Variants in SMOC2 observed in about 807,000 individuals in gnomAD.
The protein encoded by SMOC2 is SPARC-related modular calcium-binding protein 2.
SMOC2 carries 39 observed loss-of-function variants against 61.4 expected under a neutral mutation model. The observed-to-expected ratio is 0.64, with a 90% confidence interval of 0.49 to 0.83. The LOEUF is 0.83. Among genes scored for constraint, SMOC2 ranks in the 40% least tolerant of loss-of-function variants. The pLI is 0.00. For missense variants in SMOC2, 556 were observed against 592.9 expected, an observed-to-expected ratio of 0.94 and a Z score of 0.65; for synonymous variants, 247 against 239.9, an observed-to-expected ratio of 1.03 and a Z score of -0.27.
intron 1 of SMOC2, among the ~76,000 whole-genome samples, chr6:168,488,422 C>A (rs1274421532): frequency 1.3e-5 from 2 of 152,220 alleles, no homozygotes; most frequent in Non-Finnish European, 2.9e-5. Context: ...CAGAAACTCA[C>A]TCAGTTCTGG....
In SMOC2 at chr6:168,666,747, A is replaced by T. The variant is rs1247818060; in HGVS notation, c.*309A>T. The T allele has an allele frequency of 8.2e-6, 3 of 365,260 alleles. No homozygotes were observed. Among genetic ancestry groups the T allele is most frequent in the African/African-American group, 6.2e-5 (3 of 48,294 alleles). The allele number at this position is 365,260 out of a possible 1,614,324, so 22.6% of individuals were successfully genotyped here. A position where few individuals can be genotyped will look rare whatever the true frequency, so the allele number is the denominator to read the frequency against. On this transcript the variant is annotated 3_prime_UTR_variant, in exon 13 of 13. Coordinates refer to ENST00000356284, the MANE Select transcript of SMOC2 (RefSeq NM_001166412.2). ...TTCCACATGTTAACAGTAGAGCTCTATGCACTCCGGCTGCAATCGTATGGC... is the reference window on the plus strand; with the variant it reads ...TTCCACATGTTAACAGTAGAGCTCTTTGCACTCCGGCTGCAATCGTATGGC...
intron 2 of SMOC2, among the ~76,000 whole-genome samples, chr6:168,520,006 G>A (rs1583076163): frequency 6.6e-6 from 1 of 152,074 alleles, no homozygotes; most frequent in Admixed American, 6.5e-5. Context: ...CGAAAATGTC[G>A]TTCCTGTCTC....
In SMOC2 at chr6:168,532,863, C is replaced by T. The variant is rs369893279; in HGVS notation, c.463+5136C>T. Among the ~76,000 whole-genome samples the T allele has an allele frequency of 1.9e-4, 29 of 152,296 alleles. No individual in the cohort carries two copies. In the East Asian group the frequency reaches 4.4e-3, roughly 23 times the overall value. The stretch of plus-strand genomic sequence containing the variant: ...ACCAGGCCTCATACACTGCAGCCAT[C>T]GGCCTGTTCCGACAGAGTGGACATC... On this transcript the variant is annotated intron_variant, in intron 4 of 12. Coordinates refer to ENST00000356284, the MANE Select transcript of SMOC2 (RefSeq NM_001166412.2).
At chr6:168,644,595 A>G (rs1786975536) in intron 9 of SMOC2, among the ~76,000 whole-genome samples, 1 of 150,960 alleles carries the variant, frequency 6.6e-6, no homozygotes, top group Admixed American at 6.6e-5. Flanking sequence ...GCACCCAGCT[A>G]TGCACAAAGA....
At chr6:168,554,031 T>C (rs1438351293) in intron 7 of SMOC2, among the ~76,000 whole-genome samples, 1 of 150,046 alleles carries the variant, frequency 6.7e-6, no homozygotes, top group African/African-American at 2.5e-5. Flanking sequence ...TTGAACTGCA[T>C]GTGCACGGTG....
intron 1 of SMOC2, among the ~76,000 whole-genome samples, chr6:168,499,229 C>T (rs751726227): frequency 5.3e-5 from 8 of 152,234 alleles, no homozygotes; most frequent in Non-Finnish European, 8.8e-5. Flanking sequence ...GTCCATTGCC[C>T]GGGAGACGGT....
At chr6:168,529,034 C>G (rs1410122624) in intron 4 of SMOC2, among the ~76,000 whole-genome samples, 1 of 152,144 alleles carries the variant, frequency 6.6e-6, no homozygotes, top group Non-Finnish European at 1.5e-5. Flanking sequence ...GTGATATCAT[C>G]TGATAATTAA....
At chr6:168,569,406 T>C (rs1394757003) in intron 7 of SMOC2, among the ~76,000 whole-genome samples, 3 of 152,146 alleles carry the variant, frequency 2.0e-5, no homozygotes, top group Non-Finnish European at 2.9e-5. Context: ...TTTTAAGTGT[T>C]CTTTGTAGAT....
At chr6:168,473,279 A>G (rs1203728821) in intron 1 of SMOC2, among the ~76,000 whole-genome samples, 3 of 152,136 alleles carry the variant, frequency 2.0e-5, no homozygotes, top group African/African-American at 7.2e-5. Flanking sequence ...TTCTGGCATT[A>G]CTGAAGGGTA....
intron 7 of SMOC2, among the ~76,000 whole-genome samples, chr6:168,555,265 A>G (rs186154422): frequency 1.1e-3 from 160 of 152,344 alleles, no homozygotes; most frequent in African/African-American, 3.7e-3. Flanking sequence ...AAAAGCACAT[A>G]TTGCAAAAGC....
At chr6:168,555,123 C>T (rs910231289) in intron 7 of SMOC2, among the ~76,000 whole-genome samples, 24 of 152,354 alleles carry the variant, frequency 1.6e-4, no homozygotes, top group African/African-American at 5.1e-4. Context: ...GGGGCCAGCT[C>T]CCGGCTCCTC....
intron 7 of SMOC2, among the ~76,000 whole-genome samples, chr6:168,595,723 T>C (rs9456228): frequency 0.22 from 33,050 of 152,256 alleles, 3,912 homozygotes; most frequent in South Asian, 0.28. Context: ...TATATAAACA[T>C]ACACGAAGTT....
chr6:168,662,768 C>A (rs575031845), intron 11 of SMOC2, among the ~76,000 whole-genome samples: 26 of 152,242 alleles, frequency 1.7e-4, no homozygotes, highest in Non-Finnish European at 3.5e-4. Flanking sequence ...CGAGGAGTGT[C>A]GGGCTCTGGA....
At chr6:168,627,701 T>C (rs1434663132) in intron 9 of SMOC2, among the ~76,000 whole-genome samples, 2 of 152,198 alleles carry the variant, frequency 1.3e-5, no homozygotes, top group Non-Finnish European at 2.9e-5. Flanking sequence ...GAACTCAGTA[T>C]ACAGTAGGAG....
chr6:168,448,587 T>G (rs58781955), intron 1 of SMOC2, among the ~76,000 whole-genome samples: 1 of 121,962 alleles, frequency 8.2e-6, no homozygotes, highest in African/African-American at 3.2e-5. Context: ...AGGAGGATGG[T>G]GATGGGGAGG....
chr6:168,630,790 A>C (rs1786546746), intron 9 of SMOC2, among the ~76,000 whole-genome samples: 2 of 152,222 alleles, frequency 1.3e-5, no homozygotes, highest in Admixed American at 6.5e-5. Flanking sequence ...CCCCCTGGGC[A>C]TAGCCGTCTC....
chr6:168,550,961 G>A (rs1784117258), intron 7 of SMOC2, among the ~76,000 whole-genome samples: 1 of 152,168 alleles, frequency 6.6e-6, no homozygotes, highest in Non-Finnish European at 1.5e-5. Flanking sequence ...TGATATGGTT[G>A]GGCGTTGTGT....
intron 9 of SMOC2, among the ~76,000 whole-genome samples, chr6:168,616,897 G>T (rs987600190): frequency 1.3e-5 from 2 of 152,214 alleles, no homozygotes; most frequent in African/African-American, 2.4e-5. Flanking sequence ...ACTGCGGGGG[G>T]GTTGCAGGGA....
chr6:168,585,036 C>T (rs557256485), intron 7 of SMOC2, among the ~76,000 whole-genome samples: 113 of 152,326 alleles, frequency 7.4e-4, no homozygotes, highest in African/African-American at 2.5e-3. Flanking sequence ...CAGCTCACTG[C>T]AGCCTTGGTT....
Sources: gnomAD v4.1 joint callset for allele counts (sites outside exome capture counted in the v4.1 genomes callset) on GRCh38, gnomAD v4.1.1 for gene constraint, MANE v1.5 for transcripts, NCBI Gene and HGNC (gene_info 2026-07-23, HGNC 2026-07-21) for gene names.